Variants in TANC2 observed in about 807,000 individuals in gnomAD.
TANC2 encodes the protein tetratricopeptide repeat, ankyrin repeat and coiled-coil containing 2, also known as protein TANC2.
Under a neutral mutation model 210.5 loss-of-function variants are expected in TANC2, and 26 were observed. The ratio of observed to expected loss-of-function variants is 0.12; its 90% CI spans 0.09 to 0.17. The LOEUF is 0.17. TANC2 is among the 10% of genes least tolerant of loss of function. TANC2 has a pLI of 1.00. For missense variants in TANC2, 2,129 were observed against 2,608.9 expected (o/e 0.82, Z 4.01); for synonymous variants, 931 against 967.1 (o/e 0.96, Z 0.69).
chr17:63,371,976 G>C (rs1328004493), intron 14 of TANC2, among the ~76,000 whole-genome samples: 1 of 152,154 alleles, frequency 6.6e-6, no homozygotes, highest in Non-Finnish European at 1.5e-5. Context: ...AGTAGAATTT[G>C]CTCTCTGCTA....
chr17:63,063,674 T>TTGTGTGTGTGTGTG (rs371281397), intron 2 of TANC2, among the ~76,000 whole-genome samples: 8 of 137,422 alleles, frequency 5.8e-5, no homozygotes, highest in South Asian at 2.4e-4. Context: ...TTACCCAGTA[T>TTGTGTGTGTGTGTG]TGTGTGTGTG....
chr17:63,242,623 T>C (rs118050871), intron 8 of TANC2, among the ~76,000 whole-genome samples: 3 of 152,040 alleles, frequency 2.0e-5, no homozygotes, highest in African/African-American at 4.8e-5. Context: ...AAGAGAGATA[T>C]GAGGTCAAAA....
At chr17:63,254,817 G>A (rs976608682) in intron 8 of TANC2, among the ~76,000 whole-genome samples, 5 of 152,078 alleles carry the variant, frequency 3.3e-5, no homozygotes, top group Non-Finnish European at 7.4e-5. Flanking sequence ...GCATCCCTGG[G>A]TTAAATCCCA....
At chr17:63,172,935 T>A (rs559253021) in intron 5 of TANC2, among the ~76,000 whole-genome samples, 2 of 152,234 alleles carry the variant, frequency 1.3e-5, no homozygotes, top group South Asian at 4.1e-4. Context: ...GGTTTTTGAT[T>A]TTTCATTGTT....
chr17:63,358,376 A>AGAGAGAGAGTGTGTGT (rs1470682571), intron 14 of TANC2, among the ~76,000 whole-genome samples: 6 of 80,942 alleles, frequency 7.4e-5, no homozygotes, highest in African/African-American at 2.2e-4. Context: ...AGAGAGAGAG[A>AGAGAGAGAGTGTGTGT]GTATGTGTGT....
intron 7 of TANC2, among the ~76,000 whole-genome samples, chr17:63,205,780 G>T (rs967520967): frequency 6.6e-6 from 1 of 151,940 alleles, no homozygotes; most frequent in Non-Finnish European, 1.5e-5. Context: ...TAGGCATGGT[G>T]GCACAAGCCT....
At chr17:63,248,719 C>T (rs2042980589) in intron 8 of TANC2, among the ~76,000 whole-genome samples, 1 of 152,050 alleles carries the variant, frequency 6.6e-6, no homozygotes, top group South Asian at 2.1e-4. Flanking sequence ...GAGGCTGCTA[C>T]TGGATTGAAC....
intron 7 of TANC2, among the ~76,000 whole-genome samples, chr17:63,231,352 C>T (rs938520158): frequency 2.6e-5 from 4 of 152,068 alleles, no homozygotes; most frequent in Admixed American, 2.0e-4. Context: ...CTTCATGGTA[C>T]TATTAGTCTT....
At chr17:63,075,305 T>C (rs2036532637) in intron 3 of TANC2, among the ~76,000 whole-genome samples, 1 of 152,282 alleles carries the variant, frequency 6.6e-6, no homozygotes, top group South Asian at 2.1e-4. Flanking sequence ...CTCTGAGCTT[T>C]GTCAGTTAAA....
chr17:63,254,244 TAAATG>T (rs1253401396), intron 8 of TANC2, among the ~76,000 whole-genome samples: 1 of 152,198 alleles, frequency 6.6e-6, no homozygotes, highest in African/African-American at 2.4e-5. Context: ...GTGGCTATCA[TAAATG>T]AGATTACTTT....
At chr17:63,137,880 C>T (rs2039145224) in intron 4 of TANC2, among the ~76,000 whole-genome samples, 1 of 152,122 alleles carries the variant, frequency 6.6e-6, no homozygotes, top group Non-Finnish European at 1.5e-5. Context: ...ACAGGATCTG[C>T]TACTTTATTA....
Position 63,374,999 on chromosome 17 carries a change from T to C in TANC2, c.2583-4719T>C, listed in dbSNP as rs539308111. Among the ~76,000 whole-genome samples, 19 of 152,168 alleles carry C rather than the reference T, an allele frequency of 1.2e-4. No homozygotes were observed. The South Asian group carries it at 2.1e-3, about 17-fold the overall frequency. On this transcript the variant is annotated intron_variant, in intron 14 of 27. Transcript: ENST00000689528. Reference sequence around the variant, plus strand: ...CTACTACGTTTTATGCCTGAGTAACTGGCAATATTTAAAAAAAAGAGAGAG... The same window carrying C: ...CTACTACGTTTTATGCCTGAGTAACCGGCAATATTTAAAAAAAAGAGAGAG...
chr17:63,011,713 AT>A (rs2033880128), intron 2 of TANC2, among the ~76,000 whole-genome samples: 1 of 151,716 alleles, frequency 6.6e-6, no homozygotes, highest in African/African-American at 2.4e-5. Context: ...TTAAAAGTTC[AT>A]TTTTTTCTCA....
chr17:63,224,691 G>A, intron 7 of TANC2, among the ~76,000 whole-genome samples: 1 of 152,154 alleles, frequency 6.6e-6, no homozygotes, highest in Non-Finnish European at 1.5e-5. Context: ...TCACCTTCAG[G>A]CTTTTCAAAG....
At position 63,239,148 on chromosome 17, in the gene TANC2, T is replaced by TAA. The variant is rs200046501; in HGVS notation, c.1033+1086_1033+1087dup. On this transcript the variant is annotated intron_variant, in intron 8 of 27. Coordinates refer to ENST00000689528, the Ensembl canonical transcript of TANC2. ...GCGCAACATAGTGAGACCTTGTCTC[T>TAA]AAAAAAAAAAAAAAAAGAAAGAAAT... 4.5e-3 allele frequency among the ~76,000 whole-genome samples: 555 copies of TAA among 124,554 alleles called. 3 individuals are homozygous for TAA. The highest frequency in any genetic ancestry group is 0.014 in the African/African-American group (480 of 33,698). The allele number at this position is 124,554 out of a possible 152,430, so 81.7% of individuals were successfully genotyped here.
chr17:63,414,714 C>T (rs1220913884), intron 25 of TANC2, among the ~76,000 whole-genome samples: 1 of 152,114 alleles, frequency 6.6e-6, no homozygotes, highest in Non-Finnish European at 1.5e-5. Context: ...GACTGGGATC[C>T]CTGTGGAGTT....
intron 26 of TANC2, among the ~76,000 whole-genome samples, chr17:63,416,561 T>A (rs2048867451): frequency 6.6e-6 from 1 of 152,222 alleles, no homozygotes; most frequent in South Asian, 2.1e-4. Flanking sequence ...TTCCAGACCC[T>A]AAACCCTGAC....
intron 14 of TANC2, among the ~76,000 whole-genome samples, chr17:63,356,301 A>C (rs374620946): frequency 1.3e-4 from 20 of 152,330 alleles, no homozygotes; most frequent in African/African-American, 4.8e-4. Flanking sequence ...CCTTTAATAA[A>C]GTTGGTGTTT....
intron 11 of TANC2, among the ~76,000 whole-genome samples, chr17:63,335,890 C>A (rs1245688445): frequency 6.6e-6 from 1 of 151,870 alleles, no homozygotes; most frequent in East Asian, 1.9e-4. Flanking sequence ...AGTCTGTGTA[C>A]TACTTTTGCA....
Sources: gnomAD v4.1 joint callset for allele counts (sites outside exome capture counted in the v4.1 genomes callset) on GRCh38, gnomAD v4.1.1 for gene constraint, MANE v1.5 for transcripts, NCBI Gene and HGNC (gene_info 2026-07-23, HGNC 2026-07-21) for gene names.